GPC5: variants seen among roughly 807,000 people sequenced by gnomAD.
GPC5 encodes glypican-5.
Under a neutral mutation model 53.9 loss-of-function variants are expected in GPC5, and 47 were observed. The ratio of observed to expected loss-of-function variants is 0.87; its 90% confidence interval spans 0.69 to 1.11. The LOEUF is 1.11. Ranked by LOEUF, GPC5 falls within the 50% of genes most tolerant of loss-of-function variation. The probability of loss-of-function intolerance (pLI) is 0.00; values close to 1 mark genes in which losing one functional copy is unlikely to be tolerated. For missense variants in GPC5, 748 were observed against 713.1 expected, an observed-to-expected ratio of 1.05 and a Z score of -0.56; for synonymous variants, 286 against 263.3, an observed-to-expected ratio of 1.09 and a Z score of -0.84.
chr13:91,901,105 ACATC>A (rs2039493428), intron 5 of GPC5, among the ~76,000 whole-genome samples: 1 of 152,066 alleles, frequency 6.6e-6, no homozygotes, highest in Non-Finnish European at 1.5e-5. Flanking sequence ...AATGTTAATG[ACATC>A]CATATCATAA....
In GPC5 at chr13:92,363,381, C is replaced by T. The variant is rs144608868; in HGVS notation, c.1561+218392C>T. 1.1e-3 allele frequency among the ~76,000 whole-genome samples: 172 copies of T among 151,714 alleles called. 9 individuals are homozygous for T. Among genetic ancestry groups the T allele is most frequent in the African/African-American group, 4.0e-3 (164 of 41,012 alleles). The stretch of plus-strand genomic sequence containing the variant: ...GGTTTTGTGGAAGACAAATTTTCTG[C>T]AGGACGGAGGGTAGAGGGAGGGATG... On this transcript the variant is annotated intron_variant, in intron 7 of 7. Transcript: ENST00000377067.
At chr13:92,251,405 A>C (rs1205719192) in intron 7 of GPC5, among the ~76,000 whole-genome samples, 1 of 152,072 alleles carries the variant, frequency 6.6e-6, no homozygotes, top group Non-Finnish European at 1.5e-5. Context: ...ATTTGGGCTT[A>C]CTCACCAGCA....
At chr13:92,785,550 G>A (rs1297433969) in intron 7 of GPC5, among the ~76,000 whole-genome samples, 1 of 152,140 alleles carries the variant, frequency 6.6e-6, no homozygotes, top group Non-Finnish European at 1.5e-5. Context: ...ACGGTAGAGT[G>A]GAACCCTTTA....
intron 1 of GPC5, among the ~76,000 whole-genome samples, chr13:91,444,902 A>T (rs895885618): frequency 6.6e-6 from 1 of 152,216 alleles, no homozygotes; most frequent in Non-Finnish European, 1.5e-5. Flanking sequence ...CAAGACCCAC[A>T]GTAGATCCCC....
chr13:92,637,331 C>T (rs1338634393), intron 7 of GPC5, among the ~76,000 whole-genome samples: 2 of 152,104 alleles, frequency 1.3e-5, no homozygotes, highest in African/African-American at 4.8e-5. Flanking sequence ...GAGAGAGCTT[C>T]AGAGATTTTC....
chr13:91,733,206 G>A (rs113959696), intron 4 of GPC5, among the ~76,000 whole-genome samples: 9 of 151,898 alleles, frequency 5.9e-5, no homozygotes, highest in African/African-American at 1.9e-4. Flanking sequence ...ACACAGTCTC[G>A]GCTCACTGCA....
chr13:91,796,423 C>T (rs1402159789), intron 5 of GPC5, among the ~76,000 whole-genome samples: 2 of 152,078 alleles, frequency 1.3e-5, no homozygotes, highest in Non-Finnish European at 2.9e-5. Context: ...AACAAACAGA[C>T]CAGAAGAGTG....
At position 92,828,953 on chromosome 13, in the gene GPC5, A is replaced by T. The variant is rs59560713; in HGVS notation, c.1562-37329A>T. Among the ~76,000 whole-genome samples, 96 of 152,316 alleles carry T rather than the reference A, an allele frequency of 6.3e-4. 1 individual carries two copies. In the East Asian group the frequency reaches 0.017, roughly 27 times the overall value. On this transcript the variant is annotated intron_variant, in intron 7 of 7. Coordinates refer to ENST00000377067, the MANE Select transcript of GPC5 (RefSeq NM_004466.6). ...GACTTCGCCACCACGCAATACATCC[A>T]TGTTACATCCATGTAACACAATTGC...
chr13:91,986,079 T>A (rs2040404725), intron 6 of GPC5, among the ~76,000 whole-genome samples: 1 of 144,730 alleles, frequency 6.9e-6, no homozygotes, highest in African/African-American at 2.6e-5. Context: ...TTTTTTTTTT[T>A]TTTTGAGACG....
intron 1 of GPC5, among the ~76,000 whole-genome samples, chr13:91,408,542 GTTAT>G (rs971716917): frequency 1.6e-4 from 24 of 152,154 alleles, no homozygotes; most frequent in Non-Finnish European, 3.1e-4. Context: ...ATTGTGGCTG[GTTAT>G]TTGTTTAGGA....
rs76691406 is a variant in GPC5, at chr13:91,862,358, G to A, written c.1281-45579G>A. ...TTAGTAGAGTGATTCTCAACCAGGG[G>A]CAGTTTTGCCCTCCAGGAAACATCT... On this transcript the variant is annotated intron_variant, in intron 5 of 7. Transcript: ENST00000377067. Among the ~76,000 whole-genome samples the A allele has an allele frequency of 9.0e-3, 1,374 of 152,254 alleles. 24 individuals are homozygous for A. The highest frequency in any genetic ancestry group is 0.031 in the African/African-American group (1,304 of 41,548).
chr13:91,916,205 T>G (rs949936525), intron 6 of GPC5, among the ~76,000 whole-genome samples: 1 of 152,118 alleles, frequency 6.6e-6, no homozygotes, highest in Admixed American at 6.5e-5. Flanking sequence ...CTGATGGGAA[T>G]GTAAAAGTGT....
intron 7 of GPC5, among the ~76,000 whole-genome samples, chr13:92,697,168 C>T (rs1887581346): frequency 6.6e-6 from 1 of 151,848 alleles, no homozygotes; most frequent in Non-Finnish European, 1.5e-5. Flanking sequence ...TTAGGGTTGT[C>T]TTGGCTATGT....
intron 6 of GPC5, among the ~76,000 whole-genome samples, chr13:92,006,135 T>C (rs1566390111): frequency 6.6e-6 from 1 of 152,152 alleles, no homozygotes; most frequent in Non-Finnish European, 1.5e-5. Flanking sequence ...ATTATAAATG[T>C]ATAATGTTTG....
At chr13:92,658,663 C>A (rs1886218718) in intron 7 of GPC5, among the ~76,000 whole-genome samples, 2 of 151,876 alleles carry the variant, frequency 1.3e-5, no homozygotes. Flanking sequence ...GTCAGACAGA[C>A]AGTGATGCAA....
At chr13:92,225,585 C>T (rs2042479234) in intron 7 of GPC5, among the ~76,000 whole-genome samples, 1 of 152,034 alleles carries the variant, frequency 6.6e-6, no homozygotes, top group South Asian at 2.1e-4. Flanking sequence ...ATTAATTGAC[C>T]TGAAATAACA....
At chr13:92,470,281 A>G (rs902909914) in intron 7 of GPC5, among the ~76,000 whole-genome samples, 1 of 152,164 alleles carries the variant, frequency 6.6e-6, no homozygotes, top group African/African-American at 2.4e-5. Context: ...GCAATAGTAA[A>G]TCGGTTTGTA....
intron 7 of GPC5, among the ~76,000 whole-genome samples, chr13:92,494,813 A>G (rs1302628329): frequency 1.3e-5 from 2 of 152,158 alleles, no homozygotes; most frequent in African/African-American, 4.8e-5. Context: ...GGTATTCAGG[A>G]TTTAATCTTC....
At chr13:91,719,659 A>G (rs372977976) in intron 3 of GPC5, among the ~76,000 whole-genome samples, 61 of 152,390 alleles carry the variant, frequency 4.0e-4, no homozygotes, top group African/African-American at 1.4e-3. Flanking sequence ...AAAGAAGAAT[A>G]TAAAATTGTC....
Sources: allele counts gnomAD v4.1 joint callset (sites outside exome capture counted in the v4.1 genomes callset), GRCh38; gene constraint gnomAD v4.1.1; transcripts MANE v1.5; gene names NCBI Gene and HGNC (gene_info 2026-07-23, HGNC 2026-07-21).